Variants in ZNF835 observed in about 807,000 individuals in gnomAD.
ZNF835 encodes the protein zinc finger protein 835.
For missense variants in ZNF835, 783 were observed against 758.4 expected, an observed-to-expected ratio of 1.03 and a Z score of -0.38; for synonymous variants, 323 against 324.7, an observed-to-expected ratio of 0.99 and a Z score of 0.06.
chr19:56,669,449 G>A (rs1292056313), intron 1 of ZNF835, among the ~76,000 whole-genome samples: 4 of 152,178 alleles, frequency 2.6e-5, no homozygotes, highest in Non-Finnish European at 4.4e-5. Context: ...GCTGGCTGAA[G>A]GCTGGAATGC....
In ZNF835 at chr19:56,663,464, C is replaced by A. The variant is rs571537709; in HGVS notation, c.*121G>T. 2.0e-5 allele frequency: 27 copies of A among 1,384,276 alleles called. No individual in the cohort carries two copies. The South Asian group carries it at 2.8e-4, about 14-fold the overall frequency. 85.7% of individuals were successfully genotyped at this position (1,384,276 alleles called of 1,614,324 possible). ...CAGTCTTAGCCCTGTGTCTTCCCCACTGTGTGCCCTCAGGCAAGTTAACAA... is the reference window on the plus strand; with the variant it reads ...CAGTCTTAGCCCTGTGTCTTCCCCAATGTGTGCCCTCAGGCAAGTTAACAA... On this transcript the variant is annotated 3_prime_UTR_variant, in exon 2 of 2. Transcript: ENST00000537055.
At position 56,663,672 on chromosome 19, in the gene ZNF835, A is replaced by C; in HGVS notation, c.1527T>G (p.Pro509=). The part of the protein sequence containing the change: ...SSGRLCPAPT[P]DSTPGLSQGG... The stretch of plus-strand genomic sequence containing the variant: ...CCTGTGAGAGCCCAGGTGTTGAGTC[A>C]GGCGTGGGAGCTGGGCAAAGGCGTC... Residue 509 remains proline (P), a synonymous_variant, in exon 2 of 2, where the codon CCT becomes CCG. Transcript: ENST00000537055. 1 of 1,614,040 alleles carries C rather than the reference A, an allele frequency of 6.2e-7. No homozygotes were observed. The highest frequency in any genetic ancestry group is 8.5e-7 in the Non-Finnish European group (1 of 1,179,904).
intron 1 of ZNF835, among the ~76,000 whole-genome samples, chr19:56,666,441 C>A (rs940697780): frequency 9.2e-5 from 14 of 152,148 alleles, no homozygotes; most frequent in African/African-American, 3.1e-4. Context: ...GGAAGCGACA[C>A]CAGAGCTCGC....
At chr19:56,668,976 G>A (rs997785638) in intron 1 of ZNF835, among the ~76,000 whole-genome samples, 6 of 152,196 alleles carry the variant, frequency 3.9e-5, no homozygotes, top group Admixed American at 2.0e-4. Flanking sequence ...AGGAGCCCAA[G>A]GGGAGACACA....
Position 56,664,344 on chromosome 19 carries a change from C to T in ZNF835, c.855G>A (p.Lys285=), listed in dbSNP as rs746764789. The T allele has an allele frequency of 6.2e-7, 1 of 1,608,088 alleles. No homozygotes were observed. Among genetic ancestry groups the T allele is most frequent in the East Asian group, 2.2e-5 (1 of 44,624 alleles). The change falls in exon 2 of 2, where the codon AAG becomes AAA. Residue 285 remains lysine, a synonymous_variant. Transcript: ENST00000537055. ...TCAGGTGCGCGATCTGCGCGAAGGC[C>T]TTGGCGCACTGGCCGCAGCGGTAGG... ...EKPYRCGQCA[K]AFAQIAHLTQ...
chr19:56,671,222 C>T (rs1308067843), intron 1 of ZNF835, among the ~76,000 whole-genome samples: 1 of 151,278 alleles, frequency 6.6e-6, no homozygotes, highest in Non-Finnish European at 1.5e-5. Context: ...CCTGCTGGTA[C>T]CGTCGAGTGA....
In ZNF835 at chr19:56,665,460, G is replaced by A. The variant is rs778648200; in HGVS notation, c.-47-215C>T. The A allele has an allele frequency of 2.0e-5, 14 of 711,778 alleles. No individual in the cohort carries two copies. The Admixed American group carries it at 2.4e-4, about 12-fold the overall frequency. 44.1% of individuals were successfully genotyped at this position (711,778 alleles called of 1,614,324 possible). On this transcript the variant is annotated intron_variant, in intron 1 of 1. Transcript: ENST00000537055. Reference sequence around the variant, plus strand: ...TGGTCTCTCCACACTGGCTGCCAGGGACACTACCCCTCAACCCCTGAGTTG... The same window carrying A: ...TGGTCTCTCCACACTGGCTGCCAGGAACACTACCCCTCAACCCCTGAGTTG...
In ZNF835 at chr19:56,664,164, C is replaced by G. The variant is rs1298891687; in HGVS notation, c.1035G>C (p.Gln345His). 1.9e-6 allele frequency: 3 copies of G among 1,608,814 alleles called. No individual in the cohort carries two copies. The highest frequency in any genetic ancestry group is 2.5e-6 in the Non-Finnish European group (3 of 1,177,698). Reference protein sequence around the residue: ...ACGQCAKAFTQVSHLTQHQRT... With the variant: ...ACGQCAKAFTHVSHLTQHQRT... ...GCTGGTGCTGCGTCAGGTGCGACAC[C>G]TGGGTGAAGGCCTTGGCGCACTGGC... is the stretch of plus-strand genomic sequence containing the variant. Residue 345 changes from glutamine (Q) to histidine (H), a missense_variant, in exon 2 of 2, where the codon CAG becomes CAC. Gln to His is a conservative substitution (Grantham distance 24). Coordinates refer to ENST00000537055, the MANE Select transcript of ZNF835 (RefSeq NM_001005850.3).
Position 56,663,552 on chromosome 19 carries a change from G to A in ZNF835, c.*33C>T, listed in dbSNP as rs762893762. 1.9e-5 allele frequency: 31 copies of A among 1,612,908 alleles called. No homozygotes were observed. The South Asian group carries it at 3.3e-4, about 17-fold the overall frequency. Reference sequence around the variant, plus strand: ...GGGATAACACAGTATCTCCCCCATAGCATTGTGAGGTTGGAAAGGAGGCCC... The same window carrying A: ...GGGATAACACAGTATCTCCCCCATAACATTGTGAGGTTGGAAAGGAGGCCC... On this transcript the variant is annotated 3_prime_UTR_variant, in exon 2 of 2. Coordinates refer to ENST00000537055, the MANE Select transcript of ZNF835 (RefSeq NM_001005850.3).
intron 1 of ZNF835, 75 bp from the exon 2 acceptor site, chr19:56,665,320 A>C: frequency 7.6e-7 from 1 of 1,310,300 alleles, no homozygotes; most frequent in Non-Finnish European, 1.1e-6. Flanking sequence ...TAACAGCTGA[A>C]CTGGTAAGAA....
At chr19:56,667,978 T>C (rs113198001) in intron 1 of ZNF835, among the ~76,000 whole-genome samples, 8,326 of 152,176 alleles carry the variant, frequency 0.055, 721 homozygotes, top group African/African-American at 0.19. Flanking sequence ...TTCTTTCTTT[T>C]TTTGTTTTTT....
chr19:56,663,904 G>T lies in ZNF835; in HGVS notation c.1295C>A (p.Ser432Ter), dbSNP rs1172054350. 1.3e-6 allele frequency: 2 copies of T among 1,571,360 alleles called. No individual in the cohort carries two copies. The highest frequency in any genetic ancestry group is 1.8e-5 in the Admixed American group (1 of 55,082). ...GTGCGTGCGCTGGTGCAGGGCGAGCGAGGAGCCCTGGCTGAAAGCTTTGCC... is the reference window on the plus strand; with the variant it reads ...GTGCGTGCGCTGGTGCAGGGCGAGCTAGGAGCCCTGGCTGAAAGCTTTGCC... ...ECGKAFSQGS[S>*]LALHQRTHTG... is the part of the protein sequence containing the mutation. Residue 432 changes from serine to a stop codon, truncating the protein, a stop_gained, in exon 2 of 2, where the codon TCG becomes TAG. Transcript: ENST00000537055. LOFTEE classifies it low-confidence loss of function (END_TRUNC).
chr19:56,668,988 G>T (rs1241835136), intron 1 of ZNF835, among the ~76,000 whole-genome samples: 1 of 152,074 alleles, frequency 6.6e-6, no homozygotes, highest in Non-Finnish European at 1.5e-5. Context: ...GGAGACACAG[G>T]CTTGCTTGGG....
rs754047539 is a variant in ZNF835 at position 56,665,168 on chromosome 19, C to T, written c.31G>A (p.Gly11Ser). Reference sequence around the variant, plus strand: ...TTCCAGTTTCCTTCCAACTCTGCGCCCTGGAGGGCGACGCTCAAGAGTCCC... The same window carrying T: ...TTCCAGTTTCCTTCCAACTCTGCGCTCTGGAGGGCGACGCTCAAGAGTCCC... Reference protein sequence around the residue: MEGLLSVALQGAELEGNWKHE... With the variant: MEGLLSVALQSAELEGNWKHE... Residue 11 changes from glycine (G) to serine (S), a missense_variant, in exon 2 of 2, where the codon GGC becomes AGC. Transcript: ENST00000537055. 4.3e-6 allele frequency: 7 copies of T among 1,613,894 alleles called. No individual in the cohort carries two copies. The African/African-American group carries it at 6.7e-5, about 15-fold the overall frequency.
chr19:56,670,441 CCCT>C (rs2045279176), intron 1 of ZNF835, among the ~76,000 whole-genome samples: 1 of 152,072 alleles, frequency 6.6e-6, no homozygotes, highest in Non-Finnish European at 1.5e-5. Flanking sequence ...CACACAGTCG[CCCT>C]CCTAACCCCC....
Position 56,664,660 on chromosome 19 carries a change from T to C in ZNF835, c.539A>G (p.Tyr180Cys). Residue 180 changes from tyrosine to cysteine, a missense_variant, in exon 2 of 2, where the codon TAC (tyrosine) becomes TGC (cysteine). Tyr to Cys is a radical substitution (Grantham distance 194, BLOSUM62 -2). Transcript: ENST00000537055. ...GTGCGTGCGCCAGTGGGACGCCAGG[T>C]ACGAGCCCTGGCTGAAGGCCTTGCC... Reference protein sequence around the residue: ...ECGKAFSQGSYLASHWRTHTG... With the variant: ...ECGKAFSQGSCLASHWRTHTG... 3 of 1,609,604 alleles carry C rather than the reference T, an allele frequency of 1.9e-6. No individual in the cohort carries two copies. The highest frequency in any genetic ancestry group is 2.5e-6 in the Non-Finnish European group (3 of 1,178,414).
Position 56,664,802 on chromosome 19 carries a change from T to G in ZNF835, c.397A>C (p.Thr133Pro), listed in dbSNP as rs577400004. The G allele has an allele frequency of 7.6e-5, 123 of 1,611,220 alleles. No individual in the cohort carries two copies. The African/African-American group carries it at 1.5e-3, about 19-fold the overall frequency. ...GGGCACGCAAATGGCTTCTCCCCGGTGTGGATTCTCTGGTGTAAGATGAAC... is the reference window on the plus strand; with the variant it reads ...GGGCACGCAAATGGCTTCTCCCCGGGGTGGATTCTCTGGTGTAAGATGAAC... ...SAFILHQRIH[T>P]GEKPFACPEC... The change falls in exon 2 of 2, where the codon ACC becomes CCC. Residue 133 changes from threonine (T) to proline (P), a missense_variant. Coordinates refer to ENST00000537055, the MANE Select transcript of ZNF835 (RefSeq NM_001005850.3).
In ZNF835 at chr19:56,663,345, C is replaced by T. The variant is rs117371070; in HGVS notation, c.*240G>A. ...AAGAAAAAAAGAAAGAAATTAAAGGCCAGCCATAGGTGTTTCTGCAGGTCT... is the reference window on the plus strand; with the variant it reads ...AAGAAAAAAAGAAAGAAATTAAAGGTCAGCCATAGGTGTTTCTGCAGGTCT... On this transcript the variant is annotated 3_prime_UTR_variant, in exon 2 of 2. Transcript: ENST00000537055. The T allele has an allele frequency of 0.012, 7,008 of 579,780 alleles. 76 individuals are homozygous for T. The highest frequency in any genetic ancestry group is 0.029 in the South Asian group (1,298 of 44,444). The allele number at this position is 579,780 out of a possible 1,614,324, so 35.9% of individuals were successfully genotyped here.
At position 56,662,098 on chromosome 19, in the gene ZNF835, C is replaced by G. The variant is rs2045191746; in HGVS notation, c.*1487G>C. The stretch of plus-strand genomic sequence containing the variant: ...TAGGAAGGCTCTTCCTGTGCTGATC[C>G]TAGGCTTGGCTAGGAGGCTTGCTTT... On this transcript the variant is annotated 3_prime_UTR_variant, in exon 2 of 2. Coordinates refer to ENST00000537055, the MANE Select transcript of ZNF835 (RefSeq NM_001005850.3). 6.6e-6 allele frequency: 1 copy of G among 152,154 alleles called. No homozygotes were observed. The highest frequency in any genetic ancestry group is 6.5e-5 in the Admixed American group (1 of 15,282). The allele number at this position is 152,154 out of a possible 1,614,324, so 9.4% of individuals were successfully genotyped here.
Sources: gnomAD v4.1 joint callset for allele counts (sites outside exome capture counted in the v4.1 genomes callset) on GRCh38, gnomAD v4.1.1 for gene constraint, MANE v1.5 for transcripts, NCBI Gene and HGNC (gene_info 2026-07-23, HGNC 2026-07-21) for gene names.